Variants in ADAMTSL1 observed in about 807,000 individuals in gnomAD.
ADAMTSL1 encodes the protein ADAMTS-like protein 1.
ADAMTSL1 carries 126 observed loss-of-function variants against 201.8 expected under a neutral mutation model. That is an observed-to-expected ratio of 0.62 (90% CI 0.54 to 0.72). The LOEUF is 0.72. Among genes scored for constraint, ADAMTSL1 ranks in the 30% least tolerant of loss-of-function variants. The pLI is 0.00. For missense variants in ADAMTSL1, 2,679 were observed against 2,277.8 expected (o/e 1.18, Z -3.59); for synonymous variants, 1,121 against 903.4 (o/e 1.24, Z -4.32).
chr9:18,769,597 G>T (rs544696033), intron 16 of ADAMTSL1, among the ~76,000 whole-genome samples: 1 of 152,280 alleles, frequency 6.6e-6, no homozygotes, highest in East Asian at 1.9e-4. Flanking sequence ...CTAACTTTTT[G>T]TTTGTGACAG....
intron 1 of ADAMTSL1, among the ~76,000 whole-genome samples, chr9:18,042,882 A>C (rs1183166952): frequency 6.6e-6 from 1 of 152,170 alleles, no homozygotes; most frequent in Non-Finnish European, 1.5e-5. Flanking sequence ...GTAATTGTCA[A>C]GACCTCTGCT....
At chr9:17,945,456 C>G (rs1053473078) in intron 1 of ADAMTSL1, among the ~76,000 whole-genome samples, 16 of 149,122 alleles carry the variant, frequency 1.1e-4, no homozygotes, top group African/African-American at 4.0e-4. Flanking sequence ...CCCAGCCATC[C>G]CATTACTGGG....
chr9:18,114,576 T>C (rs779627708), intron 1 of ADAMTSL1, among the ~76,000 whole-genome samples: 1 of 152,070 alleles, frequency 6.6e-6, no homozygotes, highest in Non-Finnish European at 1.5e-5. Context: ...GTTCTCAAAA[T>C]TGTTATTTTT....
At chr9:18,713,448 C>T (rs202178139) in intron 14 of ADAMTSL1, among the ~76,000 whole-genome samples, 37,883 of 151,928 alleles carry the variant, frequency 0.25, 5,329 homozygotes, top group Middle Eastern at 0.32. Context: ...GGGTTGCAAT[C>T]CTAGTCTCTG....
At chr9:18,650,243 A>G (rs1828144853) in intron 7 of ADAMTSL1, among the ~76,000 whole-genome samples, 1 of 152,186 alleles carries the variant, frequency 6.6e-6, no homozygotes, top group Admixed American at 6.5e-5. Flanking sequence ...AGCCCATCGG[A>G]AAAGTGCAGT....
At chr9:18,446,187 C>A (rs1181679519) in intron 2 of ADAMTSL1, among the ~76,000 whole-genome samples, 1 of 152,124 alleles carries the variant, frequency 6.6e-6, no homozygotes, top group Admixed American at 6.6e-5. Flanking sequence ...AAAAAAGAAA[C>A]TCCACAGTGA....
At chr9:18,240,637 A>G (rs1392321743) in intron 2 of ADAMTSL1, among the ~76,000 whole-genome samples, 1 of 152,220 alleles carries the variant, frequency 6.6e-6, no homozygotes, top group Non-Finnish European at 1.5e-5. Flanking sequence ...ATCTTCTTTC[A>G]GTATAAGATA....
chr9:18,331,601 T>A (rs1341416682), intron 2 of ADAMTSL1, among the ~76,000 whole-genome samples: 5 of 152,204 alleles, frequency 3.3e-5, no homozygotes, highest in Non-Finnish European at 7.3e-5. Flanking sequence ...ACTAATTTTA[T>A]CTCTGGTGTA....
chr9:18,898,394 T>C (rs750427921), intron 26 of ADAMTSL1, among the ~76,000 whole-genome samples: 2 of 152,108 alleles, frequency 1.3e-5, no homozygotes, highest in South Asian at 2.1e-4. Context: ...AATAGCGGAA[T>C]AGACCATGCA....
intron 1 of ADAMTSL1, among the ~76,000 whole-genome samples, chr9:18,037,397 A>T (rs1821245068): frequency 6.6e-6 from 1 of 152,182 alleles, no homozygotes; most frequent in Non-Finnish European, 1.5e-5. Context: ...TAGAGCACAA[A>T]CATCAGTCTG....
intron 9 of ADAMTSL1, among the ~76,000 whole-genome samples, chr9:18,663,680 A>T (rs1008578817): frequency 6.6e-6 from 1 of 152,024 alleles, no homozygotes; most frequent in African/African-American, 2.4e-5. Context: ...GAGAAATGAC[A>T]ATTTCACTTC....
At position 18,457,075 on chromosome 9, in the gene ADAMTSL1, G is replaced by A. The variant is rs528102022; in HGVS notation, c.208-47754G>A. On this transcript the variant is annotated intron_variant, in intron 2 of 29. Coordinates refer to the ADAMTSL1 transcript ENST00000680146. ...TGTTTCATCATCTGTTTATCATTTT[G>A]TCACCCCACATTTCAAAATCTTTAA... 1.2e-4 allele frequency among the ~76,000 whole-genome samples: 19 copies of A among 152,054 alleles called. No individual in the cohort carries two copies. In the South Asian group the frequency reaches 2.7e-3, roughly 22 times the overall value.
chr9:18,661,151 A>G (rs1829065916), intron 8 of ADAMTSL1, among the ~76,000 whole-genome samples: 1 of 152,188 alleles, frequency 6.6e-6, no homozygotes, highest in Non-Finnish European at 1.5e-5. Context: ...CAGGTAGGAA[A>G]GATAAAACAT....
intron 2 of ADAMTSL1, among the ~76,000 whole-genome samples, chr9:18,311,822 A>G (rs147797339): frequency 1.1e-4 from 17 of 152,308 alleles, no homozygotes; most frequent in Middle Eastern, 6.8e-3. Flanking sequence ...CAGTATTACA[A>G]AGGGCTGCAA....
chr9:18,243,328 T>G (rs1233412877), intron 2 of ADAMTSL1, among the ~76,000 whole-genome samples: 3 of 152,112 alleles, frequency 2.0e-5, no homozygotes, highest in Admixed American at 6.6e-5. Context: ...CTCTTGCCCT[T>G]TCTTATGCTC....
At chr9:17,927,723 A>T (rs1460057208) in intron 1 of ADAMTSL1, among the ~76,000 whole-genome samples, 1 of 152,148 alleles carries the variant, frequency 6.6e-6, no homozygotes, top group Admixed American at 6.5e-5. Flanking sequence ...GATGATTTAA[A>T]GTATTTCAGA....
chr9:18,303,297 C>T (rs1833774986), intron 2 of ADAMTSL1, among the ~76,000 whole-genome samples: 1 of 152,162 alleles, frequency 6.6e-6, no homozygotes, highest in Non-Finnish European at 1.5e-5. Flanking sequence ...GGATTGCCTA[C>T]CCTGAAGACC....
At chr9:18,224,529 C>T (rs1005438834) in intron 2 of ADAMTSL1, among the ~76,000 whole-genome samples, 1 of 152,012 alleles carries the variant, frequency 6.6e-6, no homozygotes, top group Non-Finnish European at 1.5e-5. Flanking sequence ...CTGCTGCTGG[C>T]CCCCCCAAAT....
chr9:18,574,311 A>T (rs1409278150), intron 4 of ADAMTSL1, 45 bp downstream of exon 4: 1 of 1,519,784 alleles, frequency 6.6e-7, no homozygotes, highest in Non-Finnish European at 9.1e-7. Context: ...GAGGGTTTCA[A>T]TGTCTTTGTG....
Sources: gnomAD v4.1 joint callset for allele counts (sites outside exome capture counted in the v4.1 genomes callset) on GRCh38, gnomAD v4.1.1 for gene constraint, MANE v1.5 for transcripts, NCBI Gene and HGNC (gene_info 2026-07-23, HGNC 2026-07-21) for gene names.